Variants in KIF24 observed in about 807,000 individuals in gnomAD.
The protein encoded by KIF24 is kinesin-like protein KIF24.
A neutral mutation model predicts 118.9 loss-of-function variants in KIF24; 81 were observed. That is an observed-to-expected ratio of 0.68 (90% CI 0.57 to 0.82). The LOEUF (loss-of-function observed/expected upper bound fraction) is 0.82. KIF24 is among the 40% of genes least tolerant of loss of function. The pLI, the probability that KIF24 is intolerant of heterozygous loss-of-function variation, is 0.00. For missense variants in KIF24, 1,560 were observed against 1,661.6 expected (o/e 0.94, Z 1.06); for synonymous variants, 599 against 610.0 (o/e 0.98, Z 0.27).
chr9:34,301,730 G>A (rs1406314093), intron 3 of KIF24, among the ~76,000 whole-genome samples: 6 of 151,910 alleles, frequency 3.9e-5, no homozygotes, highest in African/African-American at 1.5e-4. Context: ...CCAGCTACTC[G>A]GGAGGCTGAG....
intron 9 of KIF24, among the ~76,000 whole-genome samples, chr9:34,261,755 A>G (rs981318710): frequency 3.9e-5 from 6 of 152,176 alleles, no homozygotes; most frequent in Non-Finnish European, 8.8e-5. Context: ...TTCACATCAC[A>G]ATAGATCTTG....
chr9:34,254,094 GGTTA>G lies in KIF24; in HGVS notation c.*282_*285del, dbSNP rs199638685. The G allele has an allele frequency of 4.3e-3, 1,317 of 306,540 alleles. 14 individuals carry two copies. The highest frequency in any genetic ancestry group is 0.024 in the African/African-American group (1,104 of 46,616). 19.0% of individuals were successfully genotyped at this position (306,540 alleles called of 1,614,324 possible). A position where few individuals can be genotyped will look rare whatever the true frequency, so the allele number is the denominator to read the frequency against. ...CCCAAATATATTCCCACAGGCAAGGGGTTAGTTAATCATATTCTCTAGGCACAAG... is the reference window on the plus strand; with the variant it reads ...CCCAAATATATTCCCACAGGCAAGGGGTTAATCATATTCTCTAGGCACAAG... On this transcript the variant is annotated 3_prime_UTR_variant, in exon 13 of 13. Transcript: ENST00000402558.
chr9:34,305,836 G>A (rs1183092938), intron 3 of KIF24, among the ~76,000 whole-genome samples: 1 of 152,094 alleles, frequency 6.6e-6, no homozygotes, highest in Non-Finnish European at 1.5e-5. Flanking sequence ...AAACTCTTGG[G>A]CTCAAGTGAT....
chr9:34,259,847 A>C, intron 9 of KIF24, 142 bp from the exon 10 acceptor site: 1 of 594,322 alleles, frequency 1.7e-6, no homozygotes. Context: ...AAAAATACAA[A>C]TGGCCAATAA....
rs929089958 is a variant in KIF24, at chr9:34,318,610, G to A, written c.-25-7239C>T. On this transcript the variant is annotated intron_variant, in intron 1 of 12. Coordinates refer to ENST00000402558, the MANE Select transcript of KIF24 (RefSeq NM_194313.4). The surrounding 1 kb of genome is among the most constrained non-coding windows in gnomAD (Gnocchi z 4.9). ...ACCAGGCGGTGGAGAACATCCTGGT[G>A]TCGCCCGTGGTGGTGGCCTCGTCGT... 5 of 1,484,816 alleles carry A rather than the reference G, an allele frequency of 3.4e-6. No homozygotes were observed. Among genetic ancestry groups the A allele is most frequent in the African/African-American group, 2.7e-5 (2 of 73,762 alleles). 92.0% of individuals were successfully genotyped at this position (1,484,816 alleles called of 1,614,324 possible). A position where few individuals can be genotyped will look rare whatever the true frequency, so the allele number is the denominator to read the frequency against.
upstream of KIF24, among the ~76,000 whole-genome samples, chr9:34,331,975 T>C (rs1837953120): frequency 6.6e-6 from 1 of 152,246 alleles, no homozygotes; most frequent in Non-Finnish European, 1.5e-5. Flanking sequence ...CATCCCTTCC[T>C]TTCCTTTCTC....
intron 6 of KIF24, among the ~76,000 whole-genome samples, chr9:34,285,527 C>G (rs939856150): frequency 3.2e-4 from 48 of 152,208 alleles, no homozygotes; most frequent in African/African-American, 1.1e-3. Context: ...GTAATCCCAG[C>G]ACTTTGGGAG....
rs1587973812 is a variant in KIF24 at position 34,318,681 on chromosome 9, C to T, written c.-25-7310G>A. The T allele has an allele frequency of 6.5e-7, 1 of 1,539,270 alleles. No individual in the cohort carries two copies. Among genetic ancestry groups the T allele is most frequent in the South Asian group, 1.2e-5 (1 of 86,876 alleles). ...GGCAAGGCGACCACGGCGTCGGAGGCCAAGGCAGTGCTGAGTGCCAAGCAG... is the reference window on the plus strand; with the variant it reads ...GGCAAGGCGACCACGGCGTCGGAGGTCAAGGCAGTGCTGAGTGCCAAGCAG... On this transcript the variant is annotated intron_variant, in intron 1 of 12. Transcript: ENST00000402558. This position sits in a 1 kb window ranked among gnomAD's most constrained non-coding sequence, Gnocchi z 4.9.
chr9:34,318,958 G>C lies in KIF24; in HGVS notation c.-25-7587C>G, dbSNP rs751143069. Reference sequence around the variant, plus strand: ...CCGTGCAGACCACCGACGGCAAGCTGCCCAAGGTCACCAAGGACATGGAGT... The same window carrying C: ...CCGTGCAGACCACCGACGGCAAGCTCCCCAAGGTCACCAAGGACATGGAGT... On this transcript the variant is annotated intron_variant, in intron 1 of 12. Coordinates refer to ENST00000402558, the MANE Select transcript of KIF24 (RefSeq NM_194313.4). The surrounding 1 kb of genome is among the most constrained non-coding windows in gnomAD (Gnocchi z 4.9). The C allele has an allele frequency of 6.9e-7, 1 of 1,456,272 alleles. No individual in the cohort carries two copies. Among genetic ancestry groups the C allele is most frequent in the Non-Finnish European group, 9.6e-7 (1 of 1,042,680 alleles). The allele number at this position is 1,456,272 out of a possible 1,614,324, so 90.2% of individuals were successfully genotyped here. A position where few individuals can be genotyped will look rare whatever the true frequency, so the allele number is the denominator to read the frequency against.
chr9:34,306,528 C>T (rs1186773672), intron 2 of KIF24, 87 bp from the exon 3 acceptor site: 4 of 934,838 alleles, frequency 4.3e-6, no homozygotes, highest in Non-Finnish European at 6.4e-6. Flanking sequence ...TTTAGCCGGG[C>T]GCGGTGGCTT....
intron 9 of KIF24, among the ~76,000 whole-genome samples, chr9:34,262,688 ATATATATATATATATATATATATATG>A (rs1459244036): frequency 3.6e-5 from 1 of 27,424 alleles, no homozygotes; most frequent in Non-Finnish European, 7.3e-5. Flanking sequence ...ATATATATAT[ATATATATATATATATATATATATATG>A]GCCAGGCATG....
rs943683332 is a variant in KIF24 at position 34,329,240 on chromosome 9, T to C, written c.-160A>G. Among the ~76,000 whole-genome samples, 2 of 152,240 alleles carry C rather than the reference T, an allele frequency of 1.3e-5. No individual in the cohort carries two copies. The highest frequency in any genetic ancestry group is 2.4e-5 in the African/African-American group (1 of 41,466). ...CGGCGGCGGCCAGGCCGCATCTCCA[T>C]GGCAACGCCGCCAAGCGCCAGTTCG... On this transcript the variant is annotated 5_prime_UTR_variant, in exon 1 of 13. An upstream start codon of the reference 5' UTR is lost. Transcript: ENST00000402558.
At chr9:34,316,115 G>T (rs1346770279) in intron 1 of KIF24, among the ~76,000 whole-genome samples, 1 of 152,046 alleles carries the variant, frequency 6.6e-6, no homozygotes, top group African/African-American at 2.4e-5. Context: ...ACTTTGGCAG[G>T]CCAAGGTGGG....
intron 6 of KIF24, among the ~76,000 whole-genome samples, chr9:34,277,648 G>A (rs1403237674): frequency 6.6e-6 from 1 of 152,168 alleles, no homozygotes; most frequent in Non-Finnish European, 1.5e-5. Context: ...GACCTAACAT[G>A]TTGAGATGCC....
chr9:34,256,317 C>G lies in KIF24; in HGVS notation c.3290G>C (p.Gly1097Ala), dbSNP rs1235404852. The G allele has an allele frequency of 7.4e-6, 12 of 1,613,226 alleles. No individual in the cohort carries two copies. Among genetic ancestry groups the G allele is most frequent in the Non-Finnish European group, 1.0e-5 (12 of 1,179,632 alleles). ...GPVVSHTVPS[G>A]DQEAALPVSS... Reference sequence around the variant, plus strand: ...CACTGGCAAGGCTGCCTCTTGATCACCAGATGGCACTGTGTGGCTCACAAC... The same window carrying G: ...CACTGGCAAGGCTGCCTCTTGATCAGCAGATGGCACTGTGTGGCTCACAAC... Residue 1097 changes from glycine (G) to alanine (A), a missense_variant, in exon 11 of 13, where the codon GGT becomes GCT. Physicochemically the swap from Gly to Ala is moderately conservative, Grantham distance 60. Around this residue, in one of 3 missense-constraint regions of KIF24, gnomAD observed 591 missense variants for 655.6 expected, o/e 0.90. Transcript: ENST00000402558.
chr9:34,310,325 T>C (rs2131811362), intron 2 of KIF24, among the ~76,000 whole-genome samples: 1 of 152,322 alleles, frequency 6.6e-6, no homozygotes, highest in East Asian at 1.9e-4. Context: ...CCTGGTTGGG[T>C]TAAGTGAATT....
At position 34,299,098 on chromosome 9, in the gene KIF24, C is replaced by G. The variant is rs1394251056; in HGVS notation, c.814-1984G>C. Among the ~76,000 whole-genome samples the G allele has an allele frequency of 4.6e-5, 7 of 151,486 alleles. No homozygotes were observed. The East Asian group carries it at 1.3e-3, about 29-fold the overall frequency. On this transcript the variant is annotated intron_variant, in intron 3 of 12. Transcript: ENST00000402558. ...AGCTCGTATATATAGTATATATACACACATATATAAAAATATACATACATA... is the reference window on the plus strand; with the variant it reads ...AGCTCGTATATATAGTATATATACAGACATATATAAAAATATACATACATA...
intron 6 of KIF24, among the ~76,000 whole-genome samples, chr9:34,283,607 T>C (rs77291023): frequency 5.4e-4 from 82 of 152,056 alleles, no homozygotes; most frequent in Non-Finnish European, 7.8e-4. Flanking sequence ...GACATTATGA[T>C]GAAACTGGGA....
In KIF24 at chr9:34,311,289, G is replaced by A. The variant is rs1381658960; in HGVS notation, c.58C>T (p.His20Tyr). ...CEAELAQYYS[H>Y]FTALGLQKID... is the part of the protein sequence containing the mutation. The stretch of plus-strand genomic sequence containing the variant: ...TTCTGAAGGCCAAGGGCAGTGAAAT[G>A]AGAATAATACTGTGCAAGTTCAGCT... The change falls in exon 2 of 13, where the codon CAT becomes TAT. Residue 20 changes from histidine (H) to tyrosine (Y), a missense_variant. By Grantham distance (83) the His-to-Tyr change is moderately conservative (BLOSUM62 2). This residue lies in a region of KIF24 where 964 missense variants were observed against 988.0 expected (regional missense o/e 0.98). Coordinates refer to ENST00000402558, the MANE Select transcript of KIF24 (RefSeq NM_194313.4). The A allele has an allele frequency of 6.2e-7, 1 of 1,611,624 alleles. No homozygotes were observed. Among genetic ancestry groups the A allele is most frequent in the Non-Finnish European group, 8.5e-7 (1 of 1,178,556 alleles).
Sources: gnomAD v4.1 joint callset for allele counts (sites outside exome capture counted in the v4.1 genomes callset) on GRCh38, gnomAD v4.1.1 for gene constraint, gnomAD v4.1.1 regional missense constraint, Gnocchi (gnomAD v3.1) non-coding constraint, MANE v1.5 for transcripts, NCBI Gene and HGNC (gene_info 2026-07-23, HGNC 2026-07-21) for gene names.